Variants in NKAIN2 observed in about 807,000 individuals in gnomAD.
The protein encoded by NKAIN2 is sodium/potassium-transporting ATPase subunit beta-1-interacting protein 2.
In NKAIN2, 14 loss-of-function variants were observed where a neutral mutation model predicts 32.6. That is an observed-to-expected ratio of 0.43 (90% CI 0.28 to 0.67). The LOEUF (loss-of-function observed/expected upper bound fraction) is 0.67, where lower values mean the gene tolerates loss of function less well. NKAIN2 is among the 30% of genes least tolerant of loss of function. The probability of loss-of-function intolerance (pLI) is 0.17; values close to 1 mark genes in which losing one functional copy is unlikely to be tolerated. For missense variants in NKAIN2, 198 were observed against 258.3 expected, an observed-to-expected ratio of 0.77 and a Z score of 1.60; for synonymous variants, 80 against 87.2, an observed-to-expected ratio of 0.92 and a Z score of 0.46.
At chr6:124,430,816 A>G (rs769698749) in intron 3 of NKAIN2, among the ~76,000 whole-genome samples, 1 of 152,088 alleles carries the variant, frequency 6.6e-6, no homozygotes, top group Non-Finnish European at 1.5e-5. Context: ...CAATGGGTGG[A>G]CCTTTTAAAA....
Position 123,950,316 on chromosome 6 carries a change from C to T in NKAIN2, c.54+146062C>T, listed in dbSNP as rs191790230. Among the ~76,000 whole-genome samples the T allele has an allele frequency of 3.3e-5, 5 of 151,930 alleles. No homozygotes were observed. In the East Asian group the frequency reaches 7.7e-4, roughly 23 times the overall value. ...GATACCACAGTAAAACTGGCCTCTT[C>T]AAATGACTTAGAGAGAATTTCCTCC... On this transcript the variant is annotated intron_variant, in intron 1 of 6. Coordinates refer to ENST00000368417, the MANE Select transcript of NKAIN2 (RefSeq NM_001040214.3).
At chr6:124,289,278 A>G (rs1795695310) in intron 2 of NKAIN2, among the ~76,000 whole-genome samples, 2 of 152,158 alleles carry the variant, frequency 1.3e-5, no homozygotes, top group African/African-American at 2.4e-5. Context: ...TTTTAACGTG[A>G]TACATATGGT....
intron 1 of NKAIN2, among the ~76,000 whole-genome samples, chr6:124,265,720 C>T (rs549977661): frequency 4.6e-4 from 70 of 152,272 alleles, no homozygotes; most frequent in African/African-American, 1.4e-3. Context: ...GCTGTAATTA[C>T]GTATGAGGCT....
At chr6:124,199,558 G>A (rs1270355538) in intron 1 of NKAIN2, among the ~76,000 whole-genome samples, 1 of 152,052 alleles carries the variant, frequency 6.6e-6, no homozygotes, top group East Asian at 1.9e-4. Flanking sequence ...AAGGCTGTCT[G>A]GAAAAATTAC....
chr6:123,809,922 A>G (rs73552081), intron 1 of NKAIN2, among the ~76,000 whole-genome samples: 4,241 of 152,256 alleles, frequency 0.028, 164 homozygotes, highest in African/African-American at 0.09. Context: ...TTGAAATGCT[A>G]CATATAAACT....
At chr6:124,774,355 A>T (rs1489371660) in intron 4 of NKAIN2, among the ~76,000 whole-genome samples, 1 of 152,222 alleles carries the variant, frequency 6.6e-6, no homozygotes, top group Non-Finnish European at 1.5e-5. Flanking sequence ...GTCAAGGATG[A>T]GTCCACAAGC....
chr6:124,330,074 T>C (rs1797594547), intron 2 of NKAIN2, among the ~76,000 whole-genome samples: 1 of 152,232 alleles, frequency 6.6e-6, no homozygotes, highest in Non-Finnish European at 1.5e-5. Flanking sequence ...AGCATTGCTC[T>C]GTTGCTGGCA....
chr6:124,494,540 G>A (rs939557274), intron 3 of NKAIN2, among the ~76,000 whole-genome samples: 8 of 152,086 alleles, frequency 5.3e-5, no homozygotes, highest in African/African-American at 9.7e-5. Context: ...AACACTGCAT[G>A]TGTAATTAGA....
At position 124,563,818 on chromosome 6, in the gene NKAIN2, A is replaced by T. The variant is rs966834112; in HGVS notation, c.274-94368A>T. Among the ~76,000 whole-genome samples, 15 of 152,128 alleles carry T rather than the reference A, an allele frequency of 9.9e-5. No individual in the cohort carries two copies. The East Asian group carries it at 2.1e-3, about 22-fold the overall frequency. On this transcript the variant is annotated intron_variant, in intron 3 of 6. Transcript: ENST00000368417. ...CCGGAGTAGCTGGGAGTATCTCCAAAGTGGTGTCTCCCCGAGGGAAAGTGA... is the reference window on the plus strand; with the variant it reads ...CCGGAGTAGCTGGGAGTATCTCCAATGTGGTGTCTCCCCGAGGGAAAGTGA...
At chr6:124,419,260 G>T (rs1035241941) in intron 3 of NKAIN2, among the ~76,000 whole-genome samples, 3 of 151,938 alleles carry the variant, frequency 2.0e-5, no homozygotes, top group African/African-American at 7.3e-5. Context: ...TATTTGCAAA[G>T]TAACCTCTAT....
chr6:123,839,763 TC>T (rs1774791368), intron 1 of NKAIN2, among the ~76,000 whole-genome samples: 1 of 152,162 alleles, frequency 6.6e-6, no homozygotes, highest in Admixed American at 6.6e-5. Flanking sequence ...TGGGTATTTA[TC>T]TAGGGATTAT....
chr6:124,155,740 A>T (rs1270658997), intron 1 of NKAIN2, among the ~76,000 whole-genome samples: 1 of 152,116 alleles, frequency 6.6e-6, no homozygotes, highest in East Asian at 1.9e-4. Context: ...AATTTGGGGA[A>T]CTGACACATG....
At chr6:124,292,069 C>T (rs1280059603) in intron 2 of NKAIN2, among the ~76,000 whole-genome samples, 1 of 152,078 alleles carries the variant, frequency 6.6e-6, no homozygotes, top group East Asian at 1.9e-4. Context: ...TTTCATTTAA[C>T]AGTTATTTTA....
intron 1 of NKAIN2, among the ~76,000 whole-genome samples, chr6:123,972,383 C>A (rs1332105635): frequency 1.3e-5 from 2 of 152,128 alleles, no homozygotes; most frequent in Non-Finnish European, 2.9e-5. Context: ...TCACAGAACT[C>A]AAGGGATTTC....
chr6:124,811,462 C>T (rs1780901850), intron 5 of NKAIN2, among the ~76,000 whole-genome samples: 1 of 152,108 alleles, frequency 6.6e-6, no homozygotes, highest in African/African-American at 2.4e-5. Context: ...GAGAGGCTCA[C>T]AACAGGAAAT....
At chr6:124,079,519 G>C (rs1208888487) in intron 1 of NKAIN2, among the ~76,000 whole-genome samples, 1 of 152,146 alleles carries the variant, frequency 6.6e-6, no homozygotes, top group African/African-American at 2.4e-5. Flanking sequence ...GTTTGTGTGA[G>C]TTTGAGAGAG....
At chr6:124,555,725 A>G (rs546742363) in intron 3 of NKAIN2, among the ~76,000 whole-genome samples, 1 of 152,350 alleles carries the variant, frequency 6.6e-6, no homozygotes, top group East Asian at 1.9e-4. Flanking sequence ...AAAAATATAT[A>G]TGGAGATATT....
intron 6 of NKAIN2, among the ~76,000 whole-genome samples, chr6:124,821,223 A>C (rs751541206): frequency 6.6e-6 from 1 of 151,106 alleles, no homozygotes; most frequent in Non-Finnish European, 1.5e-5. Flanking sequence ...GGAACCTGGG[A>C]GGTGGAGGTT....
Position 124,823,438 on chromosome 6 carries a change from TCTAA to T in NKAIN2, c.*212_*215del. On this transcript the variant is annotated 3_prime_UTR_variant, in exon 7 of 7. Transcript: ENST00000368417. ...CACCAATTCCACTTGACCTCCTCTT[TCTAA>T]CTGAAACAGACAAATATGCAGGACA... is the stretch of plus-strand genomic sequence containing the variant. 5.7e-6 allele frequency: 3 copies of T among 525,540 alleles called. No individual in the cohort carries two copies. Among genetic ancestry groups the T allele is most frequent in the Non-Finnish European group, 1.0e-5 (3 of 294,532 alleles). 32.6% of individuals were successfully genotyped at this position (525,540 alleles called of 1,614,324 possible).
Sources: allele counts gnomAD v4.1 joint callset (sites outside exome capture counted in the v4.1 genomes callset), GRCh38; gene constraint gnomAD v4.1.1; transcripts MANE v1.5; gene names NCBI Gene and HGNC (gene_info 2026-07-23, HGNC 2026-07-21).